SMG6: variants seen among roughly 807,000 people sequenced by gnomAD.
SMG6 encodes the protein telomerase-binding protein EST1A.
Under a neutral mutation model 142.2 loss-of-function variants are expected in SMG6, and 66 were observed. The observed-to-expected ratio is 0.46, with a 90% CI of 0.38 to 0.57. The LOEUF is 0.57. Among genes scored for constraint, SMG6 ranks in the 20% least tolerant of loss-of-function variants. SMG6 has a pLI of 0.00. For synonymous variants in SMG6, 779 were observed against 702.4 expected (o/e 1.11, Z -1.72); for missense variants, 1,793 against 1,832.0 (o/e 0.98, Z 0.39).
intron 10 of SMG6, among the ~76,000 whole-genome samples, chr17:2,222,403 G>GAGAAAACA (rs1253464498): frequency 6.6e-6 from 1 of 151,902 alleles, no homozygotes; most frequent in African/African-American, 2.4e-5. Flanking sequence ...ATTCCAAACA[G>GAGAAAACA]AGAAAACAGC....
At chr17:2,192,484 GC>G (rs891875131) in intron 10 of SMG6, among the ~76,000 whole-genome samples, 35 of 152,308 alleles carry the variant, frequency 2.3e-4, no homozygotes, top group African/African-American at 8.4e-4. Flanking sequence ...AGCCATTCCA[GC>G]CCAGAGAACC....
chr17:2,279,818 C>T (rs547016953), intron 8 of SMG6, among the ~76,000 whole-genome samples: 1 of 152,236 alleles, frequency 6.6e-6, no homozygotes, highest in East Asian at 1.9e-4. Flanking sequence ...GTTCCTGAAG[C>T]CTCCATGCCT....
At chr17:2,222,701 G>A (rs2073211593) in intron 10 of SMG6, among the ~76,000 whole-genome samples, 1 of 152,056 alleles carries the variant, frequency 6.6e-6, no homozygotes, top group Non-Finnish European at 1.5e-5. Flanking sequence ...TGTTTGGGAA[G>A]GAACGAGAGA....
intron 3 of SMG6, 132 bp from the exon 4 acceptor site, chr17:2,297,485 A>G: frequency 1.5e-6 from 1 of 663,210 alleles, no homozygotes; most frequent in East Asian, 2.7e-5. Context: ...GGCACGCACA[A>G]TATTCACTGG....
chr17:2,162,517 GAAAAAAAAAAAA>G lies in SMG6; in HGVS notation c.3357+10129_3357+10140del, dbSNP rs56092903. 1.7e-3 allele frequency among the ~76,000 whole-genome samples: 103 copies of G among 60,650 alleles called. 1 individual carries two copies. Among genetic ancestry groups the G allele is most frequent in the African/African-American group, 5.8e-3 (96 of 16,636 alleles). 39.8% of individuals were successfully genotyped at this position (60,650 alleles called of 152,430 possible). ...CGACAGAGTGAGACTCCCCATCTCA[GAAAAAAAAAAAA>G]AAAAAAAAAAAAAATCAGTGCTGGA... is the stretch of plus-strand genomic sequence containing the variant. On this transcript the variant is annotated intron_variant, in intron 13 of 18. Coordinates refer to ENST00000263073, the MANE Select transcript of SMG6 (RefSeq NM_017575.5).
intron 13 of SMG6, among the ~76,000 whole-genome samples, chr17:2,152,769 G>A (rs2070866900): frequency 6.6e-6 from 1 of 152,218 alleles, no homozygotes; most frequent in African/African-American, 2.4e-5. Context: ...CTGGTCTCTA[G>A]CGAAGTTAAA....
Position 2,223,902 on chromosome 17 carries a change from C to G in SMG6, c.2869+12590G>C, listed in dbSNP as rs559926817. 2.6e-5 allele frequency among the ~76,000 whole-genome samples: 4 copies of G among 152,052 alleles called. No individual in the cohort carries two copies. The South Asian group carries it at 8.3e-4, about 32-fold the overall frequency. ...GATGTAGGTGCCCAGTCACACTGCT[C>G]ATGGGCATCACAGGCAGAGCAAAAA... On this transcript the variant is annotated intron_variant, in intron 10 of 18. Transcript: ENST00000263073.
chr17:2,065,235 G>A, intron 17 of SMG6, 81 bp from the exon 18 acceptor site: 2 of 1,279,920 alleles, frequency 1.6e-6, no homozygotes, highest in South Asian at 1.3e-5. Context: ...CTCTGCCTCG[G>A]GGGCCCTGGG....
chr17:2,252,146 G>C (rs1337980030), intron 8 of SMG6, among the ~76,000 whole-genome samples: 2 of 151,978 alleles, frequency 1.3e-5, no homozygotes, highest in African/African-American at 4.8e-5. Context: ...GGGCACGGTG[G>C]CTCACGCCTG....
chr17:2,155,906 C>T (rs975435155), intron 13 of SMG6, among the ~76,000 whole-genome samples: 1 of 152,098 alleles, frequency 6.6e-6, no homozygotes, highest in African/African-American at 2.4e-5. Flanking sequence ...GTATTGTTAT[C>T]AGGGGAAGAA....
At chr17:2,067,814 C>G (rs547331464) in intron 16 of SMG6, among the ~76,000 whole-genome samples, 1 of 152,286 alleles carries the variant, frequency 6.6e-6, no homozygotes, top group African/African-American at 2.4e-5. Context: ...GTTTCCACCC[C>G]CATCTGGCAC....
rs554819332 is a variant in SMG6 at position 2,093,742 on chromosome 17, G to A, written c.3358-7841C>T. On this transcript the variant is annotated intron_variant, in intron 13 of 18. Coordinates refer to ENST00000263073, the MANE Select transcript of SMG6 (RefSeq NM_017575.5). ...GTTTGCAGTGGCGTCATCATGGCTT[G>A]CAGCAGGCTCAGTCTCTTGAGCTCA... Among the ~76,000 whole-genome samples, 5 of 152,240 alleles carry A rather than the reference G, an allele frequency of 3.3e-5. No individual in the cohort carries two copies. In the East Asian group the frequency reaches 9.6e-4, roughly 29 times the overall value.
chr17:2,080,694 G>T (rs898610267), intron 15 of SMG6, among the ~76,000 whole-genome samples: 1 of 150,858 alleles, frequency 6.6e-6, no homozygotes, highest in East Asian at 2.0e-4. Flanking sequence ...GGAGTGCAAT[G>T]GTGCAAGATT....
intron 13 of SMG6, among the ~76,000 whole-genome samples, chr17:2,129,989 G>A (rs2070054677): frequency 6.6e-6 from 1 of 151,484 alleles, no homozygotes; most frequent in Non-Finnish European, 1.5e-5. Flanking sequence ...TGGGGGCGAG[G>A]TGGCTCACAT....
chr17:2,113,895 G>C (rs2069417982), intron 13 of SMG6, among the ~76,000 whole-genome samples: 1 of 152,188 alleles, frequency 6.6e-6, no homozygotes. Flanking sequence ...CACAATCTAA[G>C]TCCAATGCCT....
chr17:2,094,598 C>A (rs933154706), intron 13 of SMG6, among the ~76,000 whole-genome samples: 1 of 151,930 alleles, frequency 6.6e-6, no homozygotes, highest in African/African-American at 2.4e-5. Context: ...CTGCTCTTGG[C>A]TACTCCGAAC....
intron 8 of SMG6, among the ~76,000 whole-genome samples, chr17:2,253,615 C>T (rs2074098360): frequency 1.3e-5 from 2 of 151,954 alleles, no homozygotes; most frequent in South Asian, 4.2e-4. Flanking sequence ...TTTAAAAGAC[C>T]CCCCTCCGCC....
intron 10 of SMG6, among the ~76,000 whole-genome samples, chr17:2,217,126 T>C (rs2073041811): frequency 6.6e-6 from 1 of 152,126 alleles, no homozygotes; most frequent in Non-Finnish European, 1.5e-5. Flanking sequence ...TTGGAAATGG[T>C]TAAGTAATTT....
In SMG6 at chr17:2,292,649, T is replaced by G. The variant is rs1385749332; in HGVS notation, c.2259-19A>C. On this transcript the variant is annotated intron_variant, in intron 5 of 18. Coordinates refer to ENST00000263073, the MANE Select transcript of SMG6 (RefSeq NM_017575.5). ...GTACCAACTAGAACAGAAAAAACAG[T>G]AAGAAAATGCTAGTTCCAGATTAGC... 6.2e-7 allele frequency: 1 copy of G among 1,612,610 alleles called. No homozygotes were observed. The highest frequency in any genetic ancestry group is 1.3e-5 in the African/African-American group (1 of 74,814).
Sources: gnomAD v4.1 joint callset for allele counts (sites outside exome capture counted in the v4.1 genomes callset) on GRCh38, gnomAD v4.1.1 for gene constraint, MANE v1.5 for transcripts, NCBI Gene and HGNC (gene_info 2026-07-23, HGNC 2026-07-21) for gene names.